Variants in AGBL5 observed in about 807,000 individuals in gnomAD.
The protein encoded by AGBL5 is AGBL carboxypeptidase 5.
A neutral mutation model predicts 88.0 loss-of-function variants in AGBL5; 51 were observed. The ratio of observed to expected loss-of-function variants is 0.58; its 90% CI spans 0.46 to 0.73. AGBL5 has a LOEUF of 0.73. Ranked by LOEUF, AGBL5 falls within the 30% of genes least tolerant of loss-of-function variation. The pLI is 0.00. For missense variants in AGBL5, 1,031 were observed against 1,162.2 expected, an observed-to-expected ratio of 0.89 and a Z score of 1.64; for synonymous variants, 446 against 438.8, an observed-to-expected ratio of 1.02 and a Z score of -0.21.
chr2:27,055,691 A>G lies in AGBL5; in HGVS notation c.918A>G (p.Ser306=), dbSNP rs1304425656. ...GVVRGHYRTD[S]RGVNLNRQYL... Reference sequence around the variant, plus strand: ...CCTTGTTTTCCTACAGCACAGACTCACGTGGAGTGAATCTGAACCGTCAGT... The same window carrying G: ...CCTTGTTTTCCTACAGCACAGACTCGCGTGGAGTGAATCTGAACCGTCAGT... Residue 306 remains serine, a synonymous_variant, in exon 7 of 15, where the codon TCA becomes TCG. Coordinates refer to ENST00000360131, the MANE Select transcript of AGBL5 (RefSeq NM_021831.6). 1 of 1,613,044 alleles carries G rather than the reference A, an allele frequency of 6.2e-7. No homozygotes were observed. The highest frequency in any genetic ancestry group is 2.2e-5 in the East Asian group (1 of 44,850).
rs745437504 is a variant in AGBL5, at chr2:27,053,394, G to C, written c.216-8G>C. 4.3e-6 allele frequency: 7 copies of C among 1,613,506 alleles called. No homozygotes were observed. The highest frequency in any genetic ancestry group is 5.9e-6 in the Non-Finnish European group (7 of 1,179,814). On this transcript the variant is annotated splice_region_variant and splice_polypyrimidine_tract_variant and intron_variant, in intron 2 of 14. Transcript: ENST00000360131. This position sits in a 1 kb window ranked among gnomAD's most constrained non-coding sequence, Gnocchi z 4.9. ...ACGTAATGACCTCTCTCTTACTCTG[G>C]TCCTCAGGTCATGGTTCTACTTCAG... is the stretch of plus-strand genomic sequence containing the variant.
intron 12 of AGBL5, 65 bp downstream of exon 12, chr2:27,067,711 T>C (rs879056488): frequency 6.3e-7 from 1 of 1,594,422 alleles, no homozygotes; most frequent in Non-Finnish European, 8.6e-7. Context: ...CCAGGTTCTT[T>C]AAGCCTAGTT....
intron 9 of AGBL5, among the ~76,000 whole-genome samples, chr2:27,058,002 GGA>G (rs2148282379): frequency 6.6e-6 from 1 of 150,622 alleles, no homozygotes; most frequent in African/African-American, 2.4e-5. Context: ...CTTGAACCCG[GGA>G]GGCAGAGGTT....
At chr2:27,066,813 G>T (rs189488396) in intron 11 of AGBL5, among the ~76,000 whole-genome samples, 1 of 152,136 alleles carries the variant, frequency 6.6e-6, no homozygotes, top group East Asian at 1.9e-4. Context: ...GGGCGCGGTG[G>T]CTCACACCTA....
chr2:27,059,457 C>T (rs1448845204), intron 11 of AGBL5, 53 bp downstream of exon 11: 2 of 1,606,776 alleles, frequency 1.2e-6, no homozygotes, highest in Non-Finnish European at 1.7e-6. Context: ...TGGGGCATTG[C>T]TGGGGGAAGT....
At chr2:27,051,332 A>G (rs2148261431), upstream of AGBL5, 1 of 152,298 alleles carries the variant, frequency 6.6e-6, no homozygotes, top group African/African-American at 2.4e-5. Context: ...AACGGGAGGG[A>G]TTCCCGGCGC....
chr2:27,053,934 T>C lies in AGBL5; in HGVS notation c.426T>C (p.Arg142=), dbSNP rs749075984. The change falls in exon 4 of 15, where the codon CGT becomes CGC. Residue 142 remains arginine, a synonymous_variant. Transcript: ENST00000360131. The surrounding 1 kb of genome is among the most constrained non-coding windows in gnomAD (Gnocchi z 4.9). ...ETQFVLSFVH[R]FVEGRGATTF... The stretch of plus-strand genomic sequence containing the variant: ...AGTTTGTGTTATCCTTTGTTCATCG[T>C]TTCGTGGAGGGCCGTGGGGCCACCA... 9 of 1,614,148 alleles carry C rather than the reference T, an allele frequency of 5.6e-6. No individual in the cohort carries two copies. In the South Asian group the frequency reaches 9.9e-5, roughly 18 times the overall value.
intron 11 of AGBL5, chr2:27,062,848 G>A (rs1223835785): frequency 2.0e-5 from 3 of 152,286 alleles, no homozygotes; most frequent in African/African-American, 7.2e-5. Flanking sequence ...GTGTACCTAG[G>A]TGGGTATGCA....
rs751076244 is a variant in AGBL5, at chr2:27,056,148, C to T, written c.1365+10C>T. The T allele has an allele frequency of 1.2e-6, 2 of 1,604,782 alleles. No individual in the cohort carries two copies. Among genetic ancestry groups the T allele is most frequent in the South Asian group, 2.2e-5 (2 of 90,868 alleles). On this transcript the variant is annotated intron_variant, in intron 7 of 14. Coordinates refer to ENST00000360131, the MANE Select transcript of AGBL5 (RefSeq NM_021831.6). Reference sequence around the variant, plus strand: ...TGATGAGAGCACCCAGGTGGGAATCCTAAGAATGTCATGTGAGTGTGAGAA... The same window carrying T: ...TGATGAGAGCACCCAGGTGGGAATCTTAAGAATGTCATGTGAGTGTGAGAA...
intron 11 of AGBL5, 79 bp downstream of exon 11, chr2:27,059,483 T>C (rs369825056): frequency 2.3e-5 from 37 of 1,596,548 alleles, no homozygotes; most frequent in East Asian, 1.3e-4. Flanking sequence ...CTTGAAGATA[T>C]ACTGTTGGCC....
At chr2:27,064,642 T>G (rs1668887527) in intron 11 of AGBL5, among the ~76,000 whole-genome samples, 1 of 150,834 alleles carries the variant, frequency 6.6e-6, no homozygotes, top group Admixed American at 6.6e-5. Flanking sequence ...GCATATCTCC[T>G]CATAATAGAG....
intron 11 of AGBL5, among the ~76,000 whole-genome samples, chr2:27,066,210 G>A (rs1668978900): frequency 7.4e-6 from 1 of 135,688 alleles, no homozygotes; most frequent in South Asian, 2.3e-4. Context: ...CTACAGCCTA[G>A]GTGACAGAGT....
chr2:27,066,234 C>CAA lies in AGBL5; in HGVS notation c.2090-1241_2090-1240dup, dbSNP rs5830033. Among the ~76,000 whole-genome samples the CAA allele has an allele frequency of 3.0e-3, 257 of 84,414 alleles. 2 individuals carry two copies. Among genetic ancestry groups the CAA allele is most frequent in the Middle Eastern group, 0.012 (2 of 170 alleles). The allele number at this position is 84,414 out of a possible 152,430, so 55.4% of individuals were successfully genotyped here. A position where few individuals can be genotyped will look rare whatever the true frequency, so the allele number is the denominator to read the frequency against. The stretch of plus-strand genomic sequence containing the variant: ...AGGTGACAGAGTGAGACCCTGTCTC[C>CAA]AAAAAAAAAAAAAAAAAAAACCTCA... On this transcript the variant is annotated intron_variant, in intron 11 of 14. Coordinates refer to ENST00000360131, the MANE Select transcript of AGBL5 (RefSeq NM_021831.6).
At chr2:27,065,294 G>A (rs1668931147) in intron 11 of AGBL5, among the ~76,000 whole-genome samples, 1 of 152,178 alleles carries the variant, frequency 6.6e-6, no homozygotes, top group African/African-American at 2.4e-5. Context: ...CGCCAAAGCT[G>A]CAAGCCTCCC....
rs60346522 is a variant in AGBL5 at position 27,065,438 on chromosome 2, G to A, written c.2090-2056G>A. Among the ~76,000 whole-genome samples the A allele has an allele frequency of 6.7e-3, 1,014 of 152,244 alleles. 7 individuals are homozygous for A. Among genetic ancestry groups the A allele is most frequent in the African/African-American group, 0.023 (971 of 41,524 alleles). On this transcript the variant is annotated intron_variant, in intron 11 of 14. Transcript: ENST00000360131. ...TGTATGCCTTTAGACTCCCACAGAT[G>A]ATTGATCCAGCTCATGGTGTCTGCT...
chr2:27,067,252 T>TA (rs36064257), intron 11 of AGBL5, among the ~76,000 whole-genome samples: 6,281 of 104,406 alleles, frequency 0.06, 209 homozygotes, highest in African/African-American at 0.1. Flanking sequence ...TGGAAACCTT[T>TA]AAAAAAAAAA....
intron 9 of AGBL5, 95 bp from the exon 10 acceptor site, chr2:27,058,305 C>A: frequency 1.4e-6 from 2 of 1,405,778 alleles, no homozygotes; most frequent in Non-Finnish European, 2.0e-6. Context: ...ATAGGTCTGG[C>A]CCCTCCTTCC....
chr2:27,063,720 G>A (rs550879778), intron 11 of AGBL5, among the ~76,000 whole-genome samples: 1 of 152,298 alleles, frequency 6.6e-6, no homozygotes, highest in South Asian at 2.1e-4. Context: ...GACGTTCAGG[G>A]AGGATGACAC....
chr2:27,059,096 CCA>C (rs1463320626), intron 10 of AGBL5, 92 bp from the exon 11 acceptor site: 1 of 1,275,010 alleles, frequency 7.8e-7, no homozygotes, highest in Non-Finnish European at 1.1e-6. Flanking sequence ...CCTTTTTACC[CCA>C]GAGGTGAAGC....
Sources: allele counts gnomAD v4.1 joint callset (sites outside exome capture counted in the v4.1 genomes callset), GRCh38; gene constraint gnomAD v4.1.1; non-coding constraint Gnocchi (gnomAD v3.1); transcripts MANE v1.5; gene names NCBI Gene and HGNC (gene_info 2026-07-23, HGNC 2026-07-21).